The following SPOCK3 variants were observed in gnomAD, a reference collection of about 807,000 sequenced individuals.
SPOCK3 encodes SPARC (osteonectin), cwcv and kazal like domains proteoglycan 3.
In SPOCK3, 30 loss-of-function variants were observed where a neutral mutation model predicts 56.6. The ratio of observed to expected loss-of-function variants is 0.53; its 90% CI spans 0.40 to 0.72. SPOCK3 has a LOEUF of 0.72. SPOCK3 is among the 30% of genes least tolerant of loss of function. The pLI, the probability that SPOCK3 is intolerant of heterozygous loss-of-function variation, is 0.00. For missense variants in SPOCK3, 527 were observed against 530.0 expected (o/e 0.99, Z 0.06); for synonymous variants, 196 against 183.3 (o/e 1.07, Z -0.56).
At position 167,194,085 on chromosome 4, in the gene SPOCK3, ACT is replaced by A. The variant is rs549785782; in HGVS notation, c.189+39898_189+39899del. ...TATTGATTGTTCCTCTGCTTTCTTC[ACT>A]CTTTTTCATTTTCTGTTCAGTTGGT... is the stretch of plus-strand genomic sequence containing the variant. On this transcript the variant is annotated intron_variant, in intron 2 of 10. Transcript: ENST00000357545. Among the ~76,000 whole-genome samples the A allele has an allele frequency of 3.3e-3, 503 of 150,738 alleles. 2 individuals carry two copies. The highest frequency in any genetic ancestry group is 6.0e-3 in the Non-Finnish European group (402 of 67,518).
intron 2 of SPOCK3, among the ~76,000 whole-genome samples, chr4:167,122,540 T>G (rs965743528): frequency 9.9e-5 from 15 of 152,184 alleles, no homozygotes; most frequent in African/African-American, 3.6e-4. Context: ...TTACAATACC[T>G]CAGTGAACAT....
At chr4:167,076,695 G>C (rs776350970) in intron 2 of SPOCK3, among the ~76,000 whole-genome samples, 1 of 151,592 alleles carries the variant, frequency 6.6e-6, no homozygotes, top group African/African-American at 2.4e-5. Flanking sequence ...TTAAAAAACT[G>C]TACAAACTGC....
intron 2 of SPOCK3, among the ~76,000 whole-genome samples, chr4:167,188,701 TTG>T (rs1321246643): frequency 6.8e-6 from 1 of 146,130 alleles, no homozygotes; most frequent in Non-Finnish European, 1.5e-5. Context: ...ATCATTGTAC[TTG>T]TTAAACATCC....
At chr4:166,830,253 A>G (rs1483377649) in intron 6 of SPOCK3, among the ~76,000 whole-genome samples, 1 of 152,214 alleles carries the variant, frequency 6.6e-6, no homozygotes, top group Non-Finnish European at 1.5e-5. Context: ...TGTTTTTTAC[A>G]TGAATTGCTT....
At chr4:167,091,518 T>C (rs1758700547) in intron 2 of SPOCK3, among the ~76,000 whole-genome samples, 1 of 152,180 alleles carries the variant, frequency 6.6e-6, no homozygotes, top group Non-Finnish European at 1.5e-5. Flanking sequence ...ATATTGATAT[T>C]TAAATGTTAA....
intron 2 of SPOCK3, among the ~76,000 whole-genome samples, chr4:167,206,637 A>T (rs1169854716): frequency 1.3e-5 from 2 of 152,154 alleles, no homozygotes; most frequent in Non-Finnish European, 2.9e-5. Flanking sequence ...TGAGCTATTC[A>T]GTTCAAATGA....
intron 2 of SPOCK3, among the ~76,000 whole-genome samples, chr4:167,145,436 G>A (rs767311219): frequency 4.6e-5 from 7 of 151,934 alleles, no homozygotes; most frequent in South Asian, 4.2e-4. Context: ...GAACAGGTTC[G>A]GCTGATCAGG....
intron 4 of SPOCK3, 66 bp from the exon 5 acceptor site, chr4:166,912,809 A>C: frequency 1.4e-6 from 2 of 1,381,112 alleles, no homozygotes; most frequent in Non-Finnish European, 1.9e-6. Context: ...ATATTAGCTC[A>C]TTCCTCTCCT....
At chr4:167,118,667 GT>G (rs1357731086) in intron 2 of SPOCK3, among the ~76,000 whole-genome samples, 4 of 152,084 alleles carry the variant, frequency 2.6e-5, no homozygotes, top group Non-Finnish European at 5.9e-5. Context: ...CATATTTCAT[GT>G]ACAGTTATTC....
intron 2 of SPOCK3, among the ~76,000 whole-genome samples, chr4:167,225,988 G>A (rs748787905): frequency 1.6e-4 from 24 of 151,960 alleles, no homozygotes; most frequent in Non-Finnish European, 2.1e-4. Context: ...TTTCTGCATC[G>A]GAGGAAATAC....
intron 2 of SPOCK3, among the ~76,000 whole-genome samples, chr4:167,124,194 T>C (rs1316240128): frequency 2.6e-5 from 4 of 152,176 alleles, no homozygotes; most frequent in African/African-American, 9.7e-5. Context: ...GACTAGTCCT[T>C]GAATTTGTTT....
intron 2 of SPOCK3, among the ~76,000 whole-genome samples, chr4:167,073,104 A>G (rs1188930875): frequency 2.0e-5 from 3 of 151,730 alleles, no homozygotes; most frequent in Non-Finnish European, 4.4e-5. Flanking sequence ...TATCATATTA[A>G]TAATGTAAAA....
In SPOCK3 at chr4:166,928,430, C is replaced by A. The variant is rs566196930; in HGVS notation, c.351-15687G>T. Among the ~76,000 whole-genome samples the A allele has an allele frequency of 2.6e-5, 4 of 152,214 alleles. No individual in the cohort carries two copies. In the South Asian group the frequency reaches 6.2e-4, roughly 24 times the overall value. On this transcript the variant is annotated intron_variant, in intron 4 of 10. Coordinates refer to ENST00000357545, the MANE Select transcript of SPOCK3 (RefSeq NM_001040159.2). ...TAATGCAGTAACTGGAAGAAGCCAA[C>A]CAGGAAAGGCTACCTACTGTAAGAT...
At chr4:166,807,571 G>C (rs62355254) in intron 6 of SPOCK3, among the ~76,000 whole-genome samples, 22,134 of 151,992 alleles carry the variant, frequency 0.15, 1,865 homozygotes, top group African/African-American at 0.22. Context: ...ATGATGTGAA[G>C]TCAAGACCAC....
At chr4:167,123,740 CTTTTTTTTTTT>C (rs901846399) in intron 2 of SPOCK3, among the ~76,000 whole-genome samples, 2 of 118,382 alleles carry the variant, frequency 1.7e-5, no homozygotes, top group African/African-American at 6.4e-5. Context: ...CATTTCTTTT[CTTTTTTTTTTT>C]TTTTTTTTTT....
chr4:167,002,550 A>G (rs1749048720), intron 3 of SPOCK3, among the ~76,000 whole-genome samples: 1 of 152,190 alleles, frequency 6.6e-6, no homozygotes, highest in African/African-American at 2.4e-5. Flanking sequence ...GATTAGATTA[A>G]TTATAGCTTT....
chr4:166,906,300 G>GATGCT (rs1194915495), intron 5 of SPOCK3, among the ~76,000 whole-genome samples: 6 of 152,114 alleles, frequency 3.9e-5, no homozygotes, highest in African/African-American at 1.4e-4. Context: ...AATGAAGTAA[G>GATGCT]ATGCTATAAA....
intron 8 of SPOCK3, among the ~76,000 whole-genome samples, chr4:166,749,784 T>C (rs1406843242): frequency 3.3e-5 from 5 of 152,132 alleles, no homozygotes; most frequent in Admixed American, 1.3e-4. Flanking sequence ...GAGTCTCTTA[T>C]ATTAAAGAAT....
intron 6 of SPOCK3, among the ~76,000 whole-genome samples, chr4:166,880,240 G>A (rs1342368913): frequency 6.6e-6 from 1 of 152,108 alleles, no homozygotes; most frequent in Non-Finnish European, 1.5e-5. Flanking sequence ...TTTCTCAGGT[G>A]TCATATTACT....
Sources: gnomAD v4.1 joint callset for allele counts (sites outside exome capture counted in the v4.1 genomes callset) on GRCh38, gnomAD v4.1.1 for gene constraint, MANE v1.5 for transcripts, NCBI Gene and HGNC (gene_info 2026-07-23, HGNC 2026-07-21) for gene names.